ELAVL2: variants seen among roughly 807,000 people sequenced by gnomAD.
ELAVL2 encodes the protein ELAV like RNA binding protein 2.
In ELAVL2, 4 loss-of-function variants were observed where a neutral mutation model predicts 34.6. The observed-to-expected ratio is 0.12, with a 90% confidence interval of 0.06 to 0.26. The LOEUF is 0.26. Ranked by LOEUF, ELAVL2 falls within the 10% of genes least tolerant of loss-of-function variation. The probability of loss-of-function intolerance (pLI) is 1.00; values close to 1 mark genes in which losing one functional copy is unlikely to be tolerated. For missense variants in ELAVL2, 432 were observed against 442.8 expected, an observed-to-expected ratio of 0.98 and a Z score of 0.22; for synonymous variants, 193 against 154.8, an observed-to-expected ratio of 1.25 and a Z score of -1.83.
intron 1 of ELAVL2, among the ~76,000 whole-genome samples, chr9:23,801,515 G>T (rs2061564589): frequency 6.6e-6 from 1 of 152,128 alleles, no homozygotes; most frequent in African/African-American, 2.4e-5. Context: ...TTTCTTGCAA[G>T]CAGAAATCCC....
intron 4 of ELAVL2, among the ~76,000 whole-genome samples, chr9:23,702,368 C>G (rs1230001828): frequency 6.6e-6 from 1 of 152,088 alleles, no homozygotes; most frequent in Non-Finnish European, 1.5e-5. Context: ...ACTCCCTGCC[C>G]CACATTCTCC....
chr9:23,845,961 AT>A, the ELAVL2 span, among the ~76,000 whole-genome samples: 1 of 151,794 alleles, frequency 6.6e-6, no homozygotes, highest in Non-Finnish European at 1.5e-5. Flanking sequence ...GTCCTTAAAC[AT>A]TTTTTCATTG....
At chr9:23,720,113 C>A (rs1174968077) in intron 3 of ELAVL2, among the ~76,000 whole-genome samples, 3 of 151,944 alleles carry the variant, frequency 2.0e-5, no homozygotes, top group African/African-American at 7.3e-5. Context: ...AGGCGTGAGC[C>A]ACCGCGCCTG....
intron 1 of ELAVL2, among the ~76,000 whole-genome samples, chr9:23,810,018 T>A (rs1217104243): frequency 6.6e-6 from 1 of 152,160 alleles, no homozygotes; most frequent in African/African-American, 2.4e-5. Flanking sequence ...AAATCCTGCC[T>A]GATTGGGAAC....
In ELAVL2 at chr9:23,811,994, C is replaced by A. The variant is rs149782112; in HGVS notation, c.-16+13812G>T. 1.1e-4 allele frequency among the ~76,000 whole-genome samples: 17 copies of A among 152,254 alleles called. No individual in the cohort carries two copies. The East Asian group carries it at 3.3e-3, about 29-fold the overall frequency. ...AAATGGACCAAGAAAAGACACAGTC[C>A]TGTCCCTAAAGCAATAAGCAACAAC... On this transcript the variant is annotated intron_variant, in intron 1 of 6. Transcript: ENST00000397312.
intron 5 of ELAVL2, among the ~76,000 whole-genome samples, chr9:23,699,921 C>T (rs13301420): frequency 6.9e-6 from 1 of 145,144 alleles, no homozygotes; most frequent in East Asian, 2.1e-4. Flanking sequence ...AGTACCACCT[C>T]TTCTCCCACG....
intron 1 of ELAVL2, among the ~76,000 whole-genome samples, chr9:23,788,591 C>A (rs1481061527): frequency 6.6e-6 from 1 of 152,166 alleles, no homozygotes; most frequent in Non-Finnish European, 1.5e-5. Flanking sequence ...GATCTCTCAG[C>A]GTATTTAGTT....
upstream of ELAVL2, among the ~76,000 whole-genome samples, chr9:23,826,730 A>G (rs550564620): frequency 2.2e-4 from 33 of 152,242 alleles, no homozygotes; most frequent in African/African-American, 7.7e-4. Flanking sequence ...TTTCTTTATA[A>G]CATTTAACTC....
chr9:23,812,466 A>C (rs2063138998), intron 1 of ELAVL2, among the ~76,000 whole-genome samples: 1 of 152,076 alleles, frequency 6.6e-6, no homozygotes, highest in South Asian at 2.1e-4. Flanking sequence ...AGGGGGATAA[A>C]ACATGCTTGT....
At chr9:23,804,219 G>A (rs1240671445) in intron 1 of ELAVL2, among the ~76,000 whole-genome samples, 2 of 151,426 alleles carry the variant, frequency 1.3e-5, no homozygotes, top group African/African-American at 4.9e-5. Flanking sequence ...TGTCGCCCAG[G>A]CAGGAGTGCA....
At chr9:23,716,354 TG>T (rs2042312043) in intron 3 of ELAVL2, among the ~76,000 whole-genome samples, 2 of 152,182 alleles carry the variant, frequency 1.3e-5, no homozygotes, top group Admixed American at 6.5e-5. Context: ...TGTTTTTGTA[TG>T]AAACAAAAAA....
At chr9:23,838,203 T>A in the ELAVL2 span, among the ~76,000 whole-genome samples, 2 of 152,122 alleles carry the variant, frequency 1.3e-5, no homozygotes, top group African/African-American at 2.4e-5. Context: ...GATTTATAGT[T>A]ACTTTTTTTT....
intron 1 of ELAVL2, among the ~76,000 whole-genome samples, chr9:23,770,401 G>C (rs1371092566): frequency 6.6e-6 from 1 of 152,246 alleles, no homozygotes; most frequent in East Asian, 1.9e-4. Context: ...CCTACTCCCA[G>C]AAGTGTGAAT....
chr9:23,757,131 T>G (rs1380401077), intron 2 of ELAVL2, among the ~76,000 whole-genome samples: 1 of 152,112 alleles, frequency 6.6e-6, no homozygotes. Context: ...AACCATAGAT[T>G]ATAATGTTTC....
chr9:23,719,643 T>A (rs939532777), intron 3 of ELAVL2, among the ~76,000 whole-genome samples: 2 of 152,088 alleles, frequency 1.3e-5, no homozygotes, highest in Non-Finnish European at 2.9e-5. Flanking sequence ...TAGCAAAAAA[T>A]TTTTTCCTTT....
intron 3 of ELAVL2, among the ~76,000 whole-genome samples, chr9:23,725,317 C>T (rs2044808014): frequency 6.6e-6 from 1 of 152,128 alleles, no homozygotes; most frequent in Non-Finnish European, 1.5e-5. Context: ...CGCCTCCCAT[C>T]CTGCTTTCTT....
intron 2 of ELAVL2, among the ~76,000 whole-genome samples, chr9:23,756,614 T>C (rs1484181927): frequency 6.6e-6 from 1 of 152,044 alleles, no homozygotes; most frequent in African/African-American, 2.4e-5. Context: ...ATCAGATCAG[T>C]AAGGACACAG....
At chr9:23,836,679 G>T in the ELAVL2 span, among the ~76,000 whole-genome samples, 1 of 152,042 alleles carries the variant, frequency 6.6e-6, no homozygotes, top group East Asian at 1.9e-4. Context: ...GTGTGTGTTT[G>T]TGTGGGTGTG....
intron 3 of ELAVL2, among the ~76,000 whole-genome samples, chr9:23,729,547 T>C (rs2046049894): frequency 6.6e-6 from 1 of 152,126 alleles, no homozygotes; most frequent in Non-Finnish European, 1.5e-5. Context: ...CAAAACAAAC[T>C]TGTCTTACAC....
Sources: gnomAD v4.1 joint callset for allele counts (sites outside exome capture counted in the v4.1 genomes callset) on GRCh38, gnomAD v4.1.1 for gene constraint, MANE v1.5 for transcripts, NCBI Gene and HGNC (gene_info 2026-07-23, HGNC 2026-07-21) for gene names.